FNDC3B: variants seen among roughly 807,000 people sequenced by gnomAD.
FNDC3B encodes the protein fibronectin type III domain-containing protein 3B.
A neutral mutation model predicts 151.5 loss-of-function variants in FNDC3B; 12 were observed. The observed-to-expected ratio is 0.08, with a 90% confidence interval of 0.05 to 0.13. The LOEUF (loss-of-function observed/expected upper bound fraction) is 0.13, where lower values mean the gene tolerates loss of function less well. Among genes scored for constraint, FNDC3B ranks in the 10% least tolerant of loss-of-function variants. The pLI, the probability that FNDC3B is intolerant of heterozygous loss-of-function variation, is 1.00. For synonymous variants in FNDC3B, 528 were observed against 549.0 expected, an observed-to-expected ratio of 0.96 and a Z score of 0.54; for missense variants, 1,214 against 1,505.3, an observed-to-expected ratio of 0.81 and a Z score of 3.20.
chr3:172,211,426 A>G (rs143471266), intron 3 of FNDC3B, among the ~76,000 whole-genome samples: 79 of 152,354 alleles, frequency 5.2e-4, no homozygotes, highest in Non-Finnish European at 9.3e-4. Context: ...CCAGGGTTAT[A>G]ATGATTTCCC....
intron 17 of FNDC3B, among the ~76,000 whole-genome samples, chr3:172,342,372 A>T (rs1182428477): frequency 6.6e-6 from 1 of 152,222 alleles, no homozygotes; most frequent in Non-Finnish European, 1.5e-5. Context: ...AACTGCTCAA[A>T]TGCATAGAGT....
chr3:172,117,826 T>C (rs1420424640), intron 2 of FNDC3B, among the ~76,000 whole-genome samples: 2 of 152,254 alleles, frequency 1.3e-5, no homozygotes, highest in African/African-American at 4.8e-5. Context: ...CCTCTTTTAA[T>C]TCTTCTATTC....
chr3:172,151,196 C>G (rs185261259), intron 3 of FNDC3B, among the ~76,000 whole-genome samples: 449 of 152,294 alleles, frequency 2.9e-3, no homozygotes, highest in African/African-American at 0.01. Flanking sequence ...TGTACTCATA[C>G]AGACACACAC....
At chr3:172,303,092 A>G (rs2108235412) in intron 9 of FNDC3B, 1 of 152,330 alleles carries the variant, frequency 6.6e-6, no homozygotes, top group African/African-American at 2.4e-5. Flanking sequence ...ATAAATATGT[A>G]TACATACACA....
chr3:172,072,543 C>G (rs1717829639), intron 1 of FNDC3B, among the ~76,000 whole-genome samples: 1 of 152,202 alleles, frequency 6.6e-6, no homozygotes, highest in African/African-American at 2.4e-5. Context: ...AATCCACAGT[C>G]TACCGCATCT....
chr3:172,370,945 T>C (rs191925753), intron 23 of FNDC3B, among the ~76,000 whole-genome samples: 1 of 152,204 alleles, frequency 6.6e-6, no homozygotes, highest in Admixed American at 6.5e-5. Flanking sequence ...GAACAGACAT[T>C]GGCACATCAT....
At chr3:172,302,612 G>A (rs541319743) in intron 9 of FNDC3B, 1 of 152,292 alleles carries the variant, frequency 6.6e-6, no homozygotes, top group South Asian at 2.1e-4. Flanking sequence ...GATTGAGGAA[G>A]ATAATACCCC....
At chr3:172,106,444 C>T (rs562436645) in intron 1 of FNDC3B, among the ~76,000 whole-genome samples, 4 of 152,280 alleles carry the variant, frequency 2.6e-5, no homozygotes, top group Non-Finnish European at 4.4e-5. Flanking sequence ...CAGGCTGGCC[C>T]GGTGGGTTTG....
chr3:172,179,807 C>G (rs1205232069), intron 3 of FNDC3B, among the ~76,000 whole-genome samples: 1 of 141,872 alleles, frequency 7.0e-6, no homozygotes, highest in Non-Finnish European at 1.5e-5. Flanking sequence ...CATTTGAGCC[C>G]AGATGACATC....
intron 3 of FNDC3B, among the ~76,000 whole-genome samples, chr3:172,160,018 TGG>T (rs1722690231): frequency 1.3e-5 from 2 of 152,098 alleles, no homozygotes; most frequent in African/African-American, 4.8e-5. Flanking sequence ...ACTGGGAAGG[TGG>T]GGGAGGCCGG....
At chr3:172,166,145 G>A (rs979221991) in intron 3 of FNDC3B, among the ~76,000 whole-genome samples, 6 of 152,074 alleles carry the variant, frequency 3.9e-5, no homozygotes, top group African/African-American at 1.4e-4. Flanking sequence ...CTTTACATTG[G>A]TGAAAAAAGT....
At chr3:172,174,817 A>G (rs991318849) in intron 3 of FNDC3B, among the ~76,000 whole-genome samples, 2 of 151,636 alleles carry the variant, frequency 1.3e-5, no homozygotes, top group African/African-American at 4.8e-5. Flanking sequence ...ATGTTTATCT[A>G]GCTGCTGTGG....
At chr3:172,045,969 T>A (rs1716349711) in intron 1 of FNDC3B, among the ~76,000 whole-genome samples, 1 of 151,956 alleles carries the variant, frequency 6.6e-6, no homozygotes, top group African/African-American at 2.4e-5. Flanking sequence ...GTACCTCCAG[T>A]GAGATGCCAG....
chr3:172,331,250 T>C (rs2860825), intron 13 of FNDC3B, among the ~76,000 whole-genome samples: 4 of 152,124 alleles, frequency 2.6e-5, no homozygotes, highest in Non-Finnish European at 5.9e-5. Flanking sequence ...CAGAGTAAAA[T>C]CCCTAGAGCT....
rs1444159701 is a variant in FNDC3B, at chr3:172,308,988, T to C, written c.1200+1487T>C. ...AGTTGGGAATCACTGATGCATACTC[T>C]GCTTAAAACCTGGATGAATTTCAGG... On this transcript the variant is annotated intron_variant, in intron 10 of 25. Coordinates refer to ENST00000415807, the MANE Select transcript of FNDC3B (RefSeq NM_022763.4). Among the ~76,000 whole-genome samples, 7 of 152,232 alleles carry C rather than the reference T, an allele frequency of 4.6e-5. No individual in the cohort carries two copies. The East Asian group carries it at 1.2e-3, about 25-fold the overall frequency.
At chr3:172,207,665 C>T (rs1007876969) in intron 3 of FNDC3B, among the ~76,000 whole-genome samples, 3 of 152,176 alleles carry the variant, frequency 2.0e-5, no homozygotes, top group African/African-American at 7.2e-5. Context: ...GAGGTTCTCA[C>T]TCCCAGTAGC....
At chr3:172,374,275 C>G (rs1379191353) in intron 23 of FNDC3B, among the ~76,000 whole-genome samples, 1 of 152,210 alleles carries the variant, frequency 6.6e-6, no homozygotes, top group Non-Finnish European at 1.5e-5. Context: ...CGTGGTCTCT[C>G]AGAACACACA....
intron 1 of FNDC3B, among the ~76,000 whole-genome samples, chr3:172,045,210 T>G (rs1227736327): frequency 6.6e-6 from 1 of 152,222 alleles, no homozygotes; most frequent in Non-Finnish European, 1.5e-5. Context: ...AATGATTTAT[T>G]TTTCTCTTTG....
chr3:172,295,380 A>C lies in FNDC3B; in HGVS notation c.867A>C (p.Ala289=). ...IEKPQVSNIQ[A]RAVVLSWAPP... ...TTCCTCAGGTTTCTAATATTCAGGC[A>C]AGAGCAGTTGTGTTGTCCTGGGCTC... is the stretch of plus-strand genomic sequence containing the variant. The change falls in exon 8 of 26, where the codon GCA becomes GCC. Residue 289 remains alanine, a synonymous_variant. Transcript: ENST00000415807. 1 of 1,611,394 alleles carries C rather than the reference A, an allele frequency of 6.2e-7. No individual in the cohort carries two copies. The highest frequency in any genetic ancestry group is 1.7e-4 in the Middle Eastern group (1 of 6,052).
Sources: gnomAD v4.1 joint callset for allele counts (sites outside exome capture counted in the v4.1 genomes callset) on GRCh38, gnomAD v4.1.1 for gene constraint, MANE v1.5 for transcripts, NCBI Gene and HGNC (gene_info 2026-07-23, HGNC 2026-07-21) for gene names.